Variants in MYO5B observed in about 807,000 individuals in gnomAD.
MYO5B encodes the protein unconventional myosin-Vb.
A neutral mutation model predicts 229.3 loss-of-function variants in MYO5B; 143 were observed. The observed-to-expected ratio is 0.62, with a 90% CI of 0.54 to 0.72. The LOEUF (loss-of-function observed/expected upper bound fraction) is 0.72. MYO5B is among the 30% of genes least tolerant of loss of function. The pLI is 0.00. For synonymous variants in MYO5B, 918 were observed against 885.2 expected, an observed-to-expected ratio of 1.04 and a Z score of -0.66; for missense variants, 2,321 against 2,331.0, an observed-to-expected ratio of 1.00 and a Z score of 0.09.
chr18:50,111,706 A>G (rs2031868283), intron 1 of MYO5B, among the ~76,000 whole-genome samples: 1 of 152,242 alleles, frequency 6.6e-6, no homozygotes, highest in South Asian at 2.1e-4. Flanking sequence ...AATTCTCTGC[A>G]GTTTATGCTG....
intron 1 of MYO5B, among the ~76,000 whole-genome samples, chr18:50,057,018 A>G (rs1364134704): frequency 6.6e-6 from 1 of 152,228 alleles, no homozygotes; most frequent in African/African-American, 2.4e-5. Flanking sequence ...TCATATCTTT[A>G]TAGTAAAATA....
intron 4 of MYO5B, 151 bp downstream of exon 4, chr18:50,036,699 G>A: frequency 2.4e-6 from 2 of 828,086 alleles, no homozygotes; most frequent in Non-Finnish European, 4.0e-6. Flanking sequence ...AATGAGGTAG[G>A]CAGTAGAACT....
At chr18:50,019,624 A>G (rs1294960774) in intron 4 of MYO5B, among the ~76,000 whole-genome samples, 1 of 152,210 alleles carries the variant, frequency 6.6e-6, no homozygotes, top group Non-Finnish European at 1.5e-5. Flanking sequence ...GGTCTTTCTC[A>G]GTTCATGTCA....
At chr18:49,864,633 A>G (rs550782081) in intron 27 of MYO5B, among the ~76,000 whole-genome samples, 1 of 152,370 alleles carries the variant, frequency 6.6e-6, no homozygotes, top group East Asian at 1.9e-4. Flanking sequence ...GTGATTCAAC[A>G]GTGTTCGTGT....
chr18:50,166,828 A>G (rs1477481126), intron 1 of MYO5B, among the ~76,000 whole-genome samples: 13 of 152,202 alleles, frequency 8.5e-5, no homozygotes, highest in Admixed American at 8.5e-4. Context: ...TACTTTTCCC[A>G]GCTATAAGAC....
chr18:49,854,131 G>A (rs746122242), intron 30 of MYO5B, among the ~76,000 whole-genome samples: 6 of 152,144 alleles, frequency 3.9e-5, no homozygotes, highest in Non-Finnish European at 7.4e-5. Context: ...GTTTTAGAAA[G>A]GCAAAATATT....
intron 10 of MYO5B, among the ~76,000 whole-genome samples, chr18:49,968,923 G>A (rs951412420): frequency 1.3e-5 from 2 of 152,164 alleles, no homozygotes; most frequent in Non-Finnish European, 2.9e-5. Context: ...CTGAGCCTTG[G>A]AAGCACACAG....
intron 17 of MYO5B, among the ~76,000 whole-genome samples, chr18:49,917,596 G>A (rs963928225): frequency 6.6e-6 from 1 of 152,188 alleles, no homozygotes; most frequent in Non-Finnish European, 1.5e-5. Context: ...CCCACTCGGT[G>A]TGACTCTGGT....
At chr18:49,955,237 G>C (rs1461057561) in intron 12 of MYO5B, among the ~76,000 whole-genome samples, 1 of 152,218 alleles carries the variant, frequency 6.6e-6, no homozygotes, top group African/African-American at 2.4e-5. Context: ...ATTCTGAAGG[G>C]CAGCCCCTTT....
At chr18:49,872,691 C>G (rs2024470167) in intron 26 of MYO5B, among the ~76,000 whole-genome samples, 1 of 152,140 alleles carries the variant, frequency 6.6e-6, no homozygotes, top group African/African-American at 2.4e-5. Context: ...AAGATGGAGG[C>G]AGAAGCTAAA....
intron 1 of MYO5B, among the ~76,000 whole-genome samples, chr18:50,107,481 T>A (rs2031783495): frequency 6.6e-6 from 1 of 152,068 alleles, no homozygotes; most frequent in Admixed American, 6.5e-5. Context: ...TGAGCTTCAA[T>A]TAAGATTGTG....
chr18:49,974,710 GC>G, intron 9 of MYO5B, 95 bp from the exon 10 acceptor site: 3 of 1,480,782 alleles, frequency 2.0e-6, no homozygotes. Context: ...GGGAAAACAA[GC>G]CAAACTCAAG....
At chr18:49,832,427 A>G (rs2023934123) in intron 39 of MYO5B, among the ~76,000 whole-genome samples, 1 of 152,250 alleles carries the variant, frequency 6.6e-6, no homozygotes, top group African/African-American at 2.4e-5. Flanking sequence ...CTTTTACAAA[A>G]GTCAATAGGG....
intron 14 of MYO5B, among the ~76,000 whole-genome samples, chr18:49,947,885 T>G (rs2025391756): frequency 6.6e-6 from 1 of 152,160 alleles, no homozygotes; most frequent in Admixed American, 6.5e-5. Flanking sequence ...CATTTGGCAG[T>G]TTAAAAAAAG....
At chr18:50,053,681 G>A (rs2852095) in intron 2 of MYO5B, among the ~76,000 whole-genome samples, 93,924 of 151,978 alleles carry the variant, frequency 0.62, 30,288 homozygotes, top group East Asian at 0.74. Context: ...CAGTACAGAC[G>A]TTTTCTAATA....
intron 1 of MYO5B, among the ~76,000 whole-genome samples, chr18:50,149,855 T>G (rs1272495371): frequency 6.6e-6 from 1 of 150,478 alleles, no homozygotes; most frequent in African/African-American, 2.5e-5. Context: ...ACTAAAGTGC[T>G]TCTGCACAGC....
At position 49,921,398 on chromosome 18, in the gene MYO5B, AC is replaced by A. The variant is rs540552958; in HGVS notation, c.2090+8113del. 3.9e-5 allele frequency among the ~76,000 whole-genome samples: 6 copies of A among 152,046 alleles called. No individual in the cohort carries two copies. The South Asian group carries it at 1.2e-3, about 32-fold the overall frequency. ...GACTCTCTGGAGAGGGAGACAGATG[AC>A]TGCACAGGCACGAGACCTAGGAGCT... On this transcript the variant is annotated intron_variant, in intron 17 of 39. Coordinates refer to ENST00000285039, the MANE Select transcript of MYO5B (RefSeq NM_001080467.3).
intron 18 of MYO5B, among the ~76,000 whole-genome samples, chr18:49,911,329 TG>T (rs1001499258): frequency 6.6e-6 from 1 of 152,136 alleles, no homozygotes; most frequent in African/African-American, 2.4e-5. Flanking sequence ...GTCAGGCTGG[TG>T]GGAAAAATGT....
At chr18:50,106,775 C>T (rs61644566) in intron 1 of MYO5B, among the ~76,000 whole-genome samples, 36,088 of 152,176 alleles carry the variant, frequency 0.24, 5,228 homozygotes, top group African/African-American at 0.41. Flanking sequence ...AGACCCAGTC[C>T]GTGAAAGGCA....
Sources: gnomAD v4.1 joint callset for allele counts (sites outside exome capture counted in the v4.1 genomes callset) on GRCh38, gnomAD v4.1.1 for gene constraint, MANE v1.5 for transcripts, NCBI Gene and HGNC (gene_info 2026-07-23, HGNC 2026-07-21) for gene names.